LRMDA: variants seen among roughly 807,000 people sequenced by gnomAD.
LRMDA encodes leucine rich melanocyte differentiation associated.
In LRMDA, 18 loss-of-function variants were observed where a neutral mutation model predicts 29.8. The observed-to-expected ratio is 0.60, with a 90% CI of 0.42 to 0.90. The LOEUF (loss-of-function observed/expected upper bound fraction) is 0.90. Among genes scored for constraint, LRMDA ranks in the 40% least tolerant of loss-of-function variants. The probability of loss-of-function intolerance (pLI) is 0.00; values close to 1 mark genes in which losing one functional copy is unlikely to be tolerated. For missense variants in LRMDA, 273 were observed against 273.9 expected, an observed-to-expected ratio of 1.00 and a Z score of 0.02; for synonymous variants, 125 against 109.4, an observed-to-expected ratio of 1.14 and a Z score of -0.89.
At chr10:76,468,052 T>C (rs1187629717) in intron 6 of LRMDA, among the ~76,000 whole-genome samples, 1 of 152,190 alleles carries the variant, frequency 6.6e-6, no homozygotes, top group Non-Finnish European at 1.5e-5. Flanking sequence ...TACTAGCTAA[T>C]AATAATTGTC....
intron 2 of LRMDA, among the ~76,000 whole-genome samples, chr10:75,468,749 G>T (rs1186329749): frequency 1.3e-5 from 2 of 152,240 alleles, no homozygotes; most frequent in African/African-American, 2.4e-5. Context: ...CCTGCTGGGG[G>T]TGGAGTGGGG....
At chr10:76,152,048 G>A (rs766427430) in intron 5 of LRMDA, among the ~76,000 whole-genome samples, 14 of 152,172 alleles carry the variant, frequency 9.2e-5, no homozygotes, top group East Asian at 5.8e-4. Flanking sequence ...AAAATTCTTC[G>A]TTTTTAAGTA....
intron 6 of LRMDA, among the ~76,000 whole-genome samples, chr10:76,483,042 A>G (rs1842747113): frequency 6.6e-6 from 1 of 151,896 alleles, no homozygotes; most frequent in Admixed American, 6.6e-5. Context: ...TCTATTGTGA[A>G]ATGGATTTTC....
Position 76,308,851 on chromosome 10 carries a change from C to T in LRMDA, c.517-15550C>T, listed in dbSNP as rs1050248888. Reference sequence around the variant, plus strand: ...GTTGGGAGTTAGGAAAGTCAGTGTGCGGCTTCTCTACCATCCCAGGCGCTG... The same window carrying T: ...GTTGGGAGTTAGGAAAGTCAGTGTGTGGCTTCTCTACCATCCCAGGCGCTG... On this transcript the variant is annotated intron_variant, in intron 5 of 6. Transcript: ENST00000611255. 8.5e-5 allele frequency among the ~76,000 whole-genome samples: 13 copies of T among 152,140 alleles called. No individual in the cohort carries two copies. In the East Asian group the frequency reaches 1.5e-3, roughly 18 times the overall value.
At chr10:75,940,783 TGC>T (rs1464667422) in intron 2 of LRMDA, among the ~76,000 whole-genome samples, 1 of 152,138 alleles carries the variant, frequency 6.6e-6, no homozygotes, top group East Asian at 1.9e-4. Flanking sequence ...TGTGTGTGTG[TGC>T]GCGCGCGTGT....
At chr10:75,748,079 G>A (rs1021266783) in intron 2 of LRMDA, among the ~76,000 whole-genome samples, 3 of 151,908 alleles carry the variant, frequency 2.0e-5, no homozygotes, top group Admixed American at 6.6e-5. Context: ...TAAGTAACAG[G>A]CTTTTATTGT....
intron 5 of LRMDA, among the ~76,000 whole-genome samples, chr10:76,287,112 G>GT (rs1840281517): frequency 6.6e-6 from 1 of 152,104 alleles, no homozygotes; most frequent in Non-Finnish European, 1.5e-5. Flanking sequence ...TATACTAAAT[G>GT]TCCCCTCTTA....
At chr10:75,845,940 T>C (rs2132305566) in intron 2 of LRMDA, among the ~76,000 whole-genome samples, 1 of 152,280 alleles carries the variant, frequency 6.6e-6, no homozygotes, top group South Asian at 2.1e-4. Context: ...CCTTTAGCAA[T>C]TTGGAGTATA....
intron 2 of LRMDA, among the ~76,000 whole-genome samples, chr10:75,747,453 A>G (rs549990506): frequency 2.0e-5 from 3 of 152,350 alleles, no homozygotes; most frequent in African/African-American, 4.8e-5. Flanking sequence ...ATAAAATTAT[A>G]ATTTATGAAA....
At chr10:76,003,134 T>C (rs1273912547) in intron 2 of LRMDA, among the ~76,000 whole-genome samples, 3 of 152,104 alleles carry the variant, frequency 2.0e-5, no homozygotes, top group Non-Finnish European at 4.4e-5. Context: ...ATGCCCAGCA[T>C]TTAGAAAGCC....
chr10:75,937,497 G>A (rs1846316908), intron 2 of LRMDA, among the ~76,000 whole-genome samples: 1 of 152,206 alleles, frequency 6.6e-6, no homozygotes, highest in South Asian at 2.1e-4. Context: ...GCATGTGAAA[G>A]TTCAAAGTAA....
At chr10:75,698,203 A>T (rs1264851412) in intron 2 of LRMDA, among the ~76,000 whole-genome samples, 2 of 152,082 alleles carry the variant, frequency 1.3e-5, no homozygotes, top group Non-Finnish European at 2.9e-5. Flanking sequence ...GAGGGAGGAG[A>T]TACAGAGTAG....
At chr10:75,608,200 A>G (rs1410933828) in intron 2 of LRMDA, among the ~76,000 whole-genome samples, 1 of 150,940 alleles carries the variant, frequency 6.6e-6, no homozygotes, top group Admixed American at 6.6e-5. Context: ...TGCAACATGG[A>G]TGAACCTGGA....
intron 6 of LRMDA, among the ~76,000 whole-genome samples, chr10:76,450,001 C>T (rs1842390785): frequency 6.6e-6 from 1 of 152,036 alleles, no homozygotes; most frequent in Non-Finnish European, 1.5e-5. Flanking sequence ...TAATTGATTT[C>T]AAAGTTCCTT....
At chr10:75,661,142 C>G (rs1264553455) in intron 2 of LRMDA, among the ~76,000 whole-genome samples, 1 of 152,166 alleles carries the variant, frequency 6.6e-6, no homozygotes, top group African/African-American at 2.4e-5. Flanking sequence ...GGCACACGGG[C>G]TGGGGGAGGC....
chr10:76,022,948 TTTC>T (rs1203448050), intron 2 of LRMDA, among the ~76,000 whole-genome samples: 1 of 152,168 alleles, frequency 6.6e-6, no homozygotes, highest in Non-Finnish European at 1.5e-5. Flanking sequence ...AAAATCAAAC[TTTC>T]TTCTTCTGCT....
intron 6 of LRMDA, among the ~76,000 whole-genome samples, chr10:76,377,074 A>G (rs1292514813): frequency 6.6e-6 from 1 of 151,188 alleles, no homozygotes; most frequent in Non-Finnish European, 1.5e-5. Flanking sequence ...TTTAGTAGAG[A>G]CAGGGTTTCA....
chr10:75,906,419 T>TG (rs1489592640), intron 2 of LRMDA, among the ~76,000 whole-genome samples: 1 of 152,214 alleles, frequency 6.6e-6, no homozygotes, highest in Non-Finnish European at 1.5e-5. Context: ...TGAGGTATCT[T>TG]GCTTGTGGTC....
At position 76,321,072 on chromosome 10, in the gene LRMDA, TTTTA is replaced by T. The variant is rs1400962585; in HGVS notation, c.517-3321_517-3318del. ...CTGTCTTACTGATATACAACATTATTTTTATTTATTTTCCTCATCGACAGACATT... is the reference window on the plus strand; with the variant it reads ...CTGTCTTACTGATATACAACATTATTTTTATTTTCCTCATCGACAGACATT... On this transcript the variant is annotated intron_variant, in intron 5 of 6. Transcript: ENST00000611255. Among the ~76,000 whole-genome samples, 4 of 152,320 alleles carry T rather than the reference TTTTA, an allele frequency of 2.6e-5. No homozygotes were observed. The East Asian group carries it at 5.8e-4, about 22-fold the overall frequency.
Sources: allele counts gnomAD v4.1 joint callset (sites outside exome capture counted in the v4.1 genomes callset), GRCh38; gene constraint gnomAD v4.1.1; transcripts MANE v1.5; gene names NCBI Gene and HGNC (gene_info 2026-07-23, HGNC 2026-07-21).